The following RMP24 variants were observed in gnomAD, a reference collection of about 807,000 sequenced individuals.
RMP24 encodes the protein ribonuclease MRP protein subunit p24.
chr18:35,978,239 T>C, the RMP24 span, among the ~76,000 whole-genome samples: 3 of 152,238 alleles, frequency 2.0e-5, no homozygotes, highest in African/African-American at 7.2e-5. Flanking sequence ...TATGGATAAA[T>C]GCTCTAGCAT....
At chr18:35,977,713 T>G in the RMP24 span, 1 of 1,071,254 alleles carries the variant, frequency 9.3e-7, no homozygotes, top group Non-Finnish European at 1.3e-6. Flanking sequence ...TTGGCCATTT[T>G]TCCTCCATAC....
chr18:35,976,836 G>T, the RMP24 span, among the ~76,000 whole-genome samples: 1 of 152,036 alleles, frequency 6.6e-6, no homozygotes, highest in Admixed American at 6.6e-5. Context: ...CACCAAACAT[G>T]GTTTTATATT....
the RMP24 span, chr18:35,979,197 CA>C: frequency 2.1e-5 from 10 of 466,012 alleles, no homozygotes; most frequent in East Asian, 7.3e-5. Flanking sequence ...CTGTGAGGAT[CA>C]AAAAATATAT....
the RMP24 span, chr18:35,977,403 A>T: frequency 6.3e-7 from 1 of 1,599,538 alleles, no homozygotes; most frequent in Non-Finnish European, 8.5e-7. Context: ...TCTTATTTTT[A>T]TGGTAGTTGA....
the RMP24 span, chr18:35,979,028 G>A: frequency 4.5e-6 from 7 of 1,541,246 alleles, no homozygotes; most frequent in East Asian, 1.6e-4. Context: ...TGTCAATTCT[G>A]AAACTAAAGT....
the RMP24 span, among the ~76,000 whole-genome samples, chr18:35,976,566 A>G: frequency 6.6e-6 from 1 of 152,072 alleles, no homozygotes; most frequent in African/African-American, 2.4e-5. Flanking sequence ...AAGAAAGACA[A>G]CCTCTAGAGC....
At chr18:35,977,738 A>G in the RMP24 span, 2 of 769,630 alleles carry the variant, frequency 2.6e-6, no homozygotes, top group South Asian at 4.0e-5. Context: ...TTCTAATGTC[A>G]CATACTCCCA....
chr18:35,978,983 C>CT, the RMP24 span: 1 of 1,600,252 alleles, frequency 6.2e-7, no homozygotes. Context: ...CTTATCTTCT[C>CT]TGAAGGGTGG....
the RMP24 span, among the ~76,000 whole-genome samples, chr18:35,976,593 G>A: frequency 6.6e-6 from 1 of 152,156 alleles, no homozygotes; most frequent in Non-Finnish European, 1.5e-5. Context: ...TGGGAGTGGA[G>A]AGGTGTGAGA....
At chr18:35,973,196 T>C in the RMP24 span, 1 of 552,376 alleles carries the variant, frequency 1.8e-6, no homozygotes, top group African/African-American at 1.9e-5. Flanking sequence ...TTTGCTTTGC[T>C]GGTTCCTCCT....
the RMP24 span, chr18:35,974,849 A>C: frequency 6.5e-7 from 1 of 1,541,172 alleles, no homozygotes; most frequent in East Asian, 2.3e-5. Context: ...TGAGGTAACA[A>C]AATATTCTGA....
chr18:35,978,039 TC>T, the RMP24 span, among the ~76,000 whole-genome samples: 2 of 152,212 alleles, frequency 1.3e-5, no homozygotes, highest in African/African-American at 4.8e-5. Context: ...ATATCCTACT[TC>T]CCTGTTTTCA....
the RMP24 span, chr18:35,977,730 C>A: frequency 1.2e-6 from 1 of 836,330 alleles, no homozygotes; most frequent in Non-Finnish European, 1.8e-6. Context: ...ATACCCTTTT[C>A]TAATGTCACA....
the RMP24 span, chr18:35,974,924 T>C: frequency 6.2e-7 from 1 of 1,614,164 alleles, no homozygotes; most frequent in Middle Eastern, 1.6e-4. Context: ...AAGAAACGTG[T>C]CCATACTGTT....
At chr18:35,977,528 C>G in the RMP24 span, 1 of 1,614,146 alleles carries the variant, frequency 6.2e-7, no homozygotes, top group South Asian at 1.1e-5. Flanking sequence ...CTGAAGACAC[C>G]AGAGAGAAGG....
chr18:35,978,901 C>T, the RMP24 span: 2 of 1,613,156 alleles, frequency 1.2e-6, no homozygotes, highest in Non-Finnish European at 1.7e-6. Flanking sequence ...CAAAGAAACA[C>T]TTCTCTCAAC....
chr18:35,978,831 T>G, the RMP24 span: 1 of 1,573,950 alleles, frequency 6.4e-7, no homozygotes, highest in African/African-American at 1.4e-5. Context: ...TTGTTTCTTT[T>G]CAGAACACCT....
chr18:35,979,015 T>C, the RMP24 span: 1 of 1,558,622 alleles, frequency 6.4e-7, no homozygotes, highest in Non-Finnish European at 8.6e-7. Flanking sequence ...AAGAAATGCC[T>C]GATGTCAATT....
the RMP24 span, chr18:35,978,865 T>C: frequency 6.2e-7 from 1 of 1,611,236 alleles, no homozygotes; most frequent in Admixed American, 1.7e-5. Context: ...CAGTATCTAC[T>C]TGCTCCTCAA....
Sources: gnomAD v4.1 joint callset for allele counts (sites outside exome capture counted in the v4.1 genomes callset) on GRCh38, gnomAD v4.1.1 for gene constraint, MANE v1.5 for transcripts, NCBI Gene and HGNC (gene_info 2026-07-23, HGNC 2026-07-21) for gene names.